The following SRP68 variants were observed in gnomAD, a reference collection of about 807,000 sequenced individuals.
SRP68 encodes signal recognition particle subunit SRP68.
In SRP68, 15 loss-of-function variants were observed where a neutral mutation model predicts 82.2. That is an observed-to-expected ratio of 0.18 (90% CI 0.12 to 0.28). The LOEUF (loss-of-function observed/expected upper bound fraction) is 0.28. SRP68 is among the 10% of genes least tolerant of loss of function. The pLI, the probability that SRP68 is intolerant of heterozygous loss-of-function variation, is 1.00. For missense variants in SRP68, 595 were observed against 780.5 expected, an observed-to-expected ratio of 0.76 and a Z score of 2.83; for synonymous variants, 261 against 292.6, an observed-to-expected ratio of 0.89 and a Z score of 1.10.
intron 4 of SRP68, among the ~76,000 whole-genome samples, chr17:76,062,811 C>T (rs1163648160): frequency 8.0e-6 from 1 of 125,182 alleles, no homozygotes; most frequent in African/African-American, 3.3e-5. Context: ...TGCTCTGTCC[C>T]CCAGGCTGGA....
intron 4 of SRP68, 74 bp from the exon 5 acceptor site, chr17:76,061,648 T>C: frequency 7.8e-7 from 1 of 1,282,914 alleles, no homozygotes; most frequent in Non-Finnish European, 1.1e-6. Flanking sequence ...CTTTATTGGC[T>C]TCTAACTTTG....
At chr17:76,061,025 A>G (rs1598266742) in intron 6 of SRP68, 85 bp downstream of exon 6, 2 of 833,116 alleles carry the variant, frequency 2.4e-6, no homozygotes, top group Non-Finnish European at 4.0e-6. Context: ...AGTTACATCA[A>G]CTCTCTAGGC....
chr17:76,071,936 A>T lies in SRP68; in HGVS notation c.184+372T>A. On this transcript the variant is annotated intron_variant, in intron 1 of 15. Coordinates refer to ENST00000307877, the MANE Select transcript of SRP68 (RefSeq NM_014230.4). The surrounding 1 kb of genome is among the most constrained non-coding windows in gnomAD (Gnocchi z 4.7). ...ATGACGACTGTCAGACAAGAGTATT[A>T]AGCCAAATGTCAAGACTGCAGTTTC... 1 of 325,482 alleles carries T rather than the reference A, an allele frequency of 3.1e-6. No homozygotes were observed. The allele number at this position is 325,482 out of a possible 1,614,324, so 20.2% of individuals were successfully genotyped here.
intron 11 of SRP68, 144 bp downstream of exon 11, chr17:76,045,894 C>T: frequency 5.2e-6 from 5 of 956,416 alleles, no homozygotes; most frequent in Non-Finnish European, 7.9e-6. Flanking sequence ...GACTGCAGAA[C>T]TGGTGTAAGA....
chr17:76,063,774 C>G (rs2066787104), intron 4 of SRP68, among the ~76,000 whole-genome samples: 1 of 151,412 alleles, frequency 6.6e-6, no homozygotes, highest in African/African-American at 2.4e-5. Flanking sequence ...GAAGCGTTGC[C>G]CAATTTTAAA....
chr17:76,045,058 C>T (rs975602915), intron 12 of SRP68: 3 of 399,940 alleles, frequency 7.5e-6, no homozygotes, highest in South Asian at 4.4e-5. Context: ...CCAAGTTTAA[C>T]GTGTGTGCTC....
chr17:76,066,463 A>AT (rs60793685), intron 3 of SRP68, among the ~76,000 whole-genome samples: 80,189 of 148,978 alleles, frequency 0.54, 24,250 homozygotes, highest in African/African-American at 0.83. Flanking sequence ...AAAAAAAAAA[A>AT]ACACACCACT....
chr17:76,064,160 A>C lies in SRP68; in HGVS notation c.377T>G (p.Leu126Arg), dbSNP rs2066789727. 6.2e-7 allele frequency: 1 copy of C among 1,614,088 alleles called. No individual in the cohort carries two copies. The highest frequency in any genetic ancestry group is 1.3e-5 in the African/African-American group (1 of 74,950). Reference sequence around the variant, plus strand: ...GGCTCTTTCAGCATCCATCAGAACCAGAAGCAAGTATCTAGACCAGAGACA... The same window carrying C: ...GGCTCTTTCAGCATCCATCAGAACCCGAAGCAAGTATCTAGACCAGAGACA... ...ELLTDNRYLL[L>R]VLMDAERAWS... The change falls in exon 4 of 16, where the codon CTG (leucine) becomes CGG (arginine). Residue 126 changes from leucine (L) to arginine (R), a missense_variant. This residue lies in a region of SRP68 where 495 missense variants were observed against 688.6 expected (regional missense o/e 0.72). Coordinates refer to ENST00000307877, the MANE Select transcript of SRP68 (RefSeq NM_014230.4).
chr17:76,040,469 T>C lies in SRP68; in HGVS notation c.1606A>G (p.Asn536Asp), dbSNP rs755645051. ...SLQAAAILDANDAHQTETSSS... is the reference protein window; with the variant it reads ...SLQAAAILDADDAHQTETSSS... ...GAGGTCTCTGTTTGATGAGCGTCGT[T>C]TGCATCTGAAAGTTTCACAGGGATT... The change falls in exon 15 of 16, where the codon AAC becomes GAC. Residue 536 changes from asparagine (N) to aspartate (D), a missense_variant. Physicochemically the swap from Asn to Asp is conservative, Grantham distance 23. Transcript: ENST00000307877. The C allele has an allele frequency of 1.9e-6, 3 of 1,613,846 alleles. No homozygotes were observed. The highest frequency in any genetic ancestry group is 2.7e-5 in the African/African-American group (2 of 74,892).
chr17:76,039,641 G>C lies in SRP68; in HGVS notation c.*65C>G. 1 of 1,496,796 alleles carries C rather than the reference G, an allele frequency of 6.7e-7. No individual in the cohort carries two copies. The highest frequency in any genetic ancestry group is 9.2e-7 in the Non-Finnish European group (1 of 1,088,238). The allele number at this position is 1,496,796 out of a possible 1,614,324, so 92.7% of individuals were successfully genotyped here. On this transcript the variant is annotated 3_prime_UTR_variant, in exon 16 of 16. Coordinates refer to ENST00000307877, the MANE Select transcript of SRP68 (RefSeq NM_014230.4). ...ACCTGGATTTAATATCATGGAACTT[G>C]CTGGGATTTTCTCACAATACAGATT...
intron 7 of SRP68, among the ~76,000 whole-genome samples, chr17:76,059,263 A>T (rs1209041083): frequency 6.6e-6 from 1 of 151,954 alleles, no homozygotes; most frequent in Non-Finnish European, 1.5e-5. Flanking sequence ...ATAATAAGTA[A>T]GCCGGGCGCG....
intron 4 of SRP68, among the ~76,000 whole-genome samples, chr17:76,062,993 A>G (rs1645915688): frequency 6.6e-6 from 1 of 150,878 alleles, no homozygotes; most frequent in South Asian, 2.1e-4. Context: ...GATGGTCTCG[A>G]TCTCCTGACT....
At chr17:76,050,603 G>GT in intron 8 of SRP68, 77 bp from the exon 9 acceptor site, 1 of 961,976 alleles carries the variant, frequency 1.0e-6, no homozygotes, top group Non-Finnish European at 1.7e-6. Context: ...GAGCAAAATC[G>GT]CACATGGAGT....
intron 10 of SRP68, among the ~76,000 whole-genome samples, chr17:76,046,796 CTGGGCATGGTGG>C (rs2066635765): frequency 6.6e-6 from 1 of 152,066 alleles, no homozygotes. Context: ...AAAAAATTAG[CTGGGCATGGTGG>C]TGGGCACCTG....
intron 8 of SRP68, among the ~76,000 whole-genome samples, chr17:76,056,005 G>A (rs571285480): frequency 1.8e-4 from 27 of 151,778 alleles, no homozygotes; most frequent in Non-Finnish European, 2.2e-4. Flanking sequence ...TAGAGATGGG[G>A]TTTCACCATG....
At chr17:76,068,754 C>T (rs1032793159) in intron 2 of SRP68, among the ~76,000 whole-genome samples, 2 of 151,902 alleles carry the variant, frequency 1.3e-5, no homozygotes, top group Admixed American at 6.6e-5. Flanking sequence ...AATATAAATC[C>T]CTTTAGTGCA....
chr17:76,038,787 C>A lies in SRP68; in HGVS notation c.*919G>T, dbSNP rs1421676827. On this transcript the variant is annotated 3_prime_UTR_variant, in exon 16 of 16. Coordinates refer to ENST00000307877, the MANE Select transcript of SRP68 (RefSeq NM_014230.4). ...AAAGGGAATCGTTAAGTGTCAGGTA[C>A]ATGTTTAAATCACTTTTATTCCTTG... 6.6e-6 allele frequency: 1 copy of A among 152,258 alleles called. No homozygotes were observed. The highest frequency in any genetic ancestry group is 2.4e-5 in the African/African-American group (1 of 41,432). 9.4% of individuals were successfully genotyped at this position (152,258 alleles called of 1,614,324 possible).
intron 4 of SRP68, among the ~76,000 whole-genome samples, chr17:76,062,881 C>T (rs1266810365): frequency 6.8e-6 from 1 of 146,110 alleles, no homozygotes; most frequent in Non-Finnish European, 1.5e-5. Context: ...CACCATTCTC[C>T]TGCCTCTGCC....
chr17:76,062,887 C>G (rs900676533), intron 4 of SRP68, among the ~76,000 whole-genome samples: 1 of 146,736 alleles, frequency 6.8e-6, no homozygotes, highest in Non-Finnish European at 1.5e-5. Flanking sequence ...TCTCCTGCCT[C>G]TGCCTCCTGA....
Sources: allele counts gnomAD v4.1 joint callset (sites outside exome capture counted in the v4.1 genomes callset), GRCh38; gene constraint gnomAD v4.1.1; regional missense constraint gnomAD v4.1.1; non-coding constraint Gnocchi (gnomAD v3.1); transcripts MANE v1.5; gene names NCBI Gene and HGNC (gene_info 2026-07-23, HGNC 2026-07-21).